The following GRM7 variants were observed in gnomAD, a reference collection of about 807,000 sequenced individuals.
The protein encoded by GRM7 is metabotropic glutamate receptor 7.
GRM7 carries 35 observed loss-of-function variants against 84.5 expected under a neutral mutation model. The ratio of observed to expected loss-of-function variants is 0.41; its 90% CI spans 0.32 to 0.55. GRM7 has a LOEUF of 0.55. Among genes scored for constraint, GRM7 ranks in the 20% least tolerant of loss-of-function variants. GRM7 has a pLI of 0.19. For synonymous variants in GRM7, 487 were observed against 455.1 expected, an observed-to-expected ratio of 1.07 and a Z score of -0.89; for missense variants, 1,003 against 1,194.6, an observed-to-expected ratio of 0.84 and a Z score of 2.36.
intron 9 of GRM7, among the ~76,000 whole-genome samples, chr3:7,739,841 A>C (rs1405785478): frequency 6.6e-6 from 1 of 152,220 alleles, no homozygotes; most frequent in African/African-American, 2.4e-5. Flanking sequence ...GCAAATGACC[A>C]TTTATAACTT....
intron 1 of GRM7, among the ~76,000 whole-genome samples, chr3:6,879,024 G>A (rs1695415015): frequency 6.6e-6 from 1 of 152,178 alleles, no homozygotes; most frequent in South Asian, 2.1e-4. Context: ...CCATAGGAGT[G>A]CAAAGGGCCT....
chr3:7,559,306 T>G (rs1390698341), intron 7 of GRM7: 2 of 152,296 alleles, frequency 1.3e-5, no homozygotes, highest in Non-Finnish European at 2.9e-5. Context: ...TGCTTCTTAT[T>G]TATCACCTGT....
At chr3:6,880,267 GA>G (rs764092328) in intron 1 of GRM7, among the ~76,000 whole-genome samples, 2 of 152,098 alleles carry the variant, frequency 1.3e-5, no homozygotes, top group Non-Finnish European at 2.9e-5. Context: ...GAATAGTGGG[GA>G]AAAATTACTT....
At position 7,381,793 on chromosome 3, in the gene GRM7, A is replaced by G. The variant is rs111582761; in HGVS notation, c.1034-33230A>G. ...AACATTTATTATTTTGGTTTTGATT[A>G]TATCCTATCAATGTGATCTTAAAGT... On this transcript the variant is annotated intron_variant, in intron 4 of 9. Coordinates refer to ENST00000357716, the MANE Select transcript of GRM7 (RefSeq NM_000844.4). 6.8e-3 allele frequency among the ~76,000 whole-genome samples: 1,037 copies of G among 152,312 alleles called. 11 individuals are homozygous for G. Among genetic ancestry groups the G allele is most frequent in the African/African-American group, 0.023 (940 of 41,570 alleles).
At chr3:7,532,608 G>A (rs1701081621) in intron 7 of GRM7, among the ~76,000 whole-genome samples, 1 of 151,766 alleles carries the variant, frequency 6.6e-6, no homozygotes, top group South Asian at 2.1e-4. Flanking sequence ...GGATTTTTGT[G>A]TCTCTATCTC....
At chr3:7,003,284 G>C (rs907094461) in intron 1 of GRM7, among the ~76,000 whole-genome samples, 11 of 152,052 alleles carry the variant, frequency 7.2e-5, no homozygotes, top group African/African-American at 2.7e-4. Flanking sequence ...GTAAGGTAAA[G>C]GATATGTTAA....
chr3:6,873,969 G>A (rs556424506), intron 1 of GRM7, among the ~76,000 whole-genome samples: 1 of 152,352 alleles, frequency 6.6e-6, no homozygotes. Flanking sequence ...CAGGCAATGG[G>A]CAAAATGCTT....
intron 7 of GRM7, among the ~76,000 whole-genome samples, chr3:7,522,222 G>A (rs1404893968): frequency 6.6e-6 from 1 of 152,104 alleles, no homozygotes; most frequent in African/African-American, 2.4e-5. Flanking sequence ...TCTAAATCTG[G>A]TAATTTGAAT....
chr3:7,125,257 T>C (rs1559456544), intron 1 of GRM7, among the ~76,000 whole-genome samples: 1 of 152,170 alleles, frequency 6.6e-6, no homozygotes, highest in Non-Finnish European at 1.5e-5. Context: ...TTTTATTAGC[T>C]GCACAGGGAG....
chr3:6,946,667 T>C (rs1318092736), intron 1 of GRM7, among the ~76,000 whole-genome samples: 2 of 152,180 alleles, frequency 1.3e-5, no homozygotes, highest in Non-Finnish European at 2.9e-5. Flanking sequence ...GCCATTTTCA[T>C]GATATTGATT....
chr3:7,637,916 T>C (rs187061297), intron 8 of GRM7, among the ~76,000 whole-genome samples: 39 of 152,322 alleles, frequency 2.6e-4, no homozygotes, highest in African/African-American at 8.9e-4. Flanking sequence ...AATTCTGACA[T>C]CGATCTCAGC....
chr3:7,246,848 A>C (rs995007918), intron 2 of GRM7, among the ~76,000 whole-genome samples: 1 of 152,184 alleles, frequency 6.6e-6, no homozygotes, highest in Non-Finnish European at 1.5e-5. Flanking sequence ...TAGAACAGTC[A>C]CTAGCCAAAA....
chr3:6,959,846 G>T (rs1307259393), intron 1 of GRM7, among the ~76,000 whole-genome samples: 3 of 152,084 alleles, frequency 2.0e-5, no homozygotes, highest in East Asian at 3.9e-4. Context: ...CTACTGGGAG[G>T]TTAGTTTTTT....
At chr3:7,003,210 G>C (rs1430755543) in intron 1 of GRM7, among the ~76,000 whole-genome samples, 1 of 152,034 alleles carries the variant, frequency 6.6e-6, no homozygotes, top group African/African-American at 2.4e-5. Context: ...ACATATAGTA[G>C]ATTTCAAAAT....
intron 4 of GRM7, among the ~76,000 whole-genome samples, chr3:7,336,835 C>A (rs940341012): frequency 1.3e-5 from 2 of 151,340 alleles, no homozygotes; most frequent in African/African-American, 4.9e-5. Flanking sequence ...TATGCCTAAC[C>A]AAGGAGGCGA....
At chr3:7,101,065 C>T (rs1426424320) in intron 1 of GRM7, among the ~76,000 whole-genome samples, 1 of 151,724 alleles carries the variant, frequency 6.6e-6, no homozygotes, top group East Asian at 1.9e-4. Flanking sequence ...GTGAATATCC[C>T]TGTACAAGTC....
chr3:7,549,186 C>T (rs1693319514), intron 7 of GRM7, among the ~76,000 whole-genome samples: 1 of 152,172 alleles, frequency 6.6e-6, no homozygotes, highest in African/African-American at 2.4e-5. Flanking sequence ...ATAATACAAA[C>T]TTACATTCAA....
At chr3:6,888,800 T>G (rs1365661664) in intron 1 of GRM7, among the ~76,000 whole-genome samples, 1 of 152,176 alleles carries the variant, frequency 6.6e-6, no homozygotes, top group African/African-American at 2.4e-5. Context: ...GGGATGGCAT[T>G]GAATCTATAA....
chr3:7,108,492 C>A (rs939514934), intron 1 of GRM7, among the ~76,000 whole-genome samples: 4 of 125,920 alleles, frequency 3.2e-5, no homozygotes, highest in East Asian at 2.2e-4. Context: ...TGGACTCAAC[C>A]ATTTTTTTTT....
Sources: gnomAD v4.1 joint callset for allele counts (sites outside exome capture counted in the v4.1 genomes callset) on GRCh38, gnomAD v4.1.1 for gene constraint, MANE v1.5 for transcripts, NCBI Gene and HGNC (gene_info 2026-07-23, HGNC 2026-07-21) for gene names.